The following ATP2B4 variants were observed in gnomAD, a reference collection of about 807,000 sequenced individuals.
ATP2B4 encodes the protein plasma membrane calcium-transporting ATPase 4.
Under a neutral mutation model 110.3 loss-of-function variants are expected in ATP2B4, and 39 were observed. The ratio of observed to expected loss-of-function variants is 0.35; its 90% CI spans 0.27 to 0.46. The LOEUF is 0.46. Ranked by LOEUF, ATP2B4 falls within the 20% of genes least tolerant of loss-of-function variation. The pLI is 1.00. For missense variants in ATP2B4, 1,135 were observed against 1,530.9 expected, an observed-to-expected ratio of 0.74 and a Z score of 4.32; for synonymous variants, 538 against 571.7, an observed-to-expected ratio of 0.94 and a Z score of 0.84.
chr1:203,630,010 G>A (rs1411466555), intron 1 of ATP2B4, among the ~76,000 whole-genome samples: 2 of 152,208 alleles, frequency 1.3e-5, no homozygotes. Flanking sequence ...TGCTCTCCAC[G>A]GTAGAGGTGA....
chr1:203,666,768 T>C (rs2102339142), intron 1 of ATP2B4, among the ~76,000 whole-genome samples: 1 of 152,310 alleles, frequency 6.6e-6, no homozygotes, highest in Middle Eastern at 3.4e-3. Context: ...TTATCTTGGC[T>C]CTTGAAACTA....
chr1:203,633,205 G>T (rs1352232714), intron 1 of ATP2B4, among the ~76,000 whole-genome samples: 1 of 152,202 alleles, frequency 6.6e-6, no homozygotes, highest in Admixed American at 6.5e-5. Flanking sequence ...AAGGATAATG[G>T]TAATAGATTG....
In ATP2B4 at chr1:203,708,080, C is replaced by T. The variant is rs752625688; in HGVS notation, c.1533C>T (p.Asn511=). Residue 511 remains asparagine (N), a synonymous_variant, in exon 10 of 21, where the codon AAC becomes AAT. Transcript: ENST00000357681. Reference sequence around the variant, plus strand: ...TCATTGTCAATGGCATTTCTATCAACAGTGCTTATACCTCCAAGATTCTGG... The same window carrying T: ...TCATTGTCAATGGCATTTCTATCAATAGTGCTTATACCTCCAAGATTCTGG... ...LDLIVNGISI[N]SAYTSKILPP... 1.9e-6 allele frequency: 3 copies of T among 1,614,210 alleles called. No individual in the cohort carries two copies. Among genetic ancestry groups the T allele is most frequent in the Non-Finnish European group, 2.5e-6 (3 of 1,180,034 alleles).
chr1:203,704,465 G>GTTTT (rs1412958938), intron 8 of ATP2B4, among the ~76,000 whole-genome samples: 1 of 104,486 alleles, frequency 9.6e-6, no homozygotes, highest in African/African-American at 4.2e-5. Context: ...TCAAGGAACA[G>GTTTT]TCTTTTTTTT....
Position 203,720,677 on chromosome 1 carries a change from G to C in ATP2B4, c.2535G>C (p.Gln845His), listed in dbSNP as rs767100509. 8 of 1,614,166 alleles carry C rather than the reference G, an allele frequency of 5.0e-6. No individual in the cohort carries two copies. The South Asian group carries it at 8.8e-5, about 18-fold the overall frequency. Residue 845 changes from glutamine (Q) to histidine (H), a missense_variant, in exon 16 of 21, where the codon CAG becomes CAC. Gln to His is a conservative substitution (Grantham distance 24). Around this residue, in one of 9 missense-constraint regions of ATP2B4, gnomAD observed 70 missense variants for 142.4 expected, o/e 0.49. Transcript: ENST00000357681. ...NVYDSISKFL[Q>H]FQLTVNVVAV... is the part of the protein sequence containing the mutation. The stretch of plus-strand genomic sequence containing the variant: ...ATGACAGCATCTCCAAGTTCCTGCA[G>C]TTCCAGCTCACTGTCAATGTGGTGG...
At chr1:203,684,623 G>A (rs535925804) in intron 2 of ATP2B4, among the ~76,000 whole-genome samples, 11 of 151,784 alleles carry the variant, frequency 7.2e-5, no homozygotes, top group African/African-American at 2.4e-4. Context: ...CTCCCAAAGT[G>A]TTGGGATGAG....
chr1:203,675,301 G>A (rs1397544751), intron 1 of ATP2B4, among the ~76,000 whole-genome samples: 2 of 152,146 alleles, frequency 1.3e-5, no homozygotes, highest in Non-Finnish European at 2.9e-5. Flanking sequence ...CCTTCTGAAG[G>A]CATCTGACCA....
chr1:203,710,325 G>A (rs1327726819), intron 11 of ATP2B4, among the ~76,000 whole-genome samples: 2 of 151,612 alleles, frequency 1.3e-5, no homozygotes, highest in East Asian at 1.9e-4. Flanking sequence ...AGCTGAGATC[G>A]CACCACTGCA....
At chr1:203,641,426 A>G (rs1419164316) in intron 1 of ATP2B4, among the ~76,000 whole-genome samples, 1 of 152,124 alleles carries the variant, frequency 6.6e-6, no homozygotes, top group Non-Finnish European at 1.5e-5. Flanking sequence ...GGGAAAATTC[A>G]TTGGCTTTAG....
rs746924685 is a variant in ATP2B4, at chr1:203,739,649, T to G, written c.3413T>G (p.Ile1138Arg). Residue 1138 changes from isoleucine to arginine, a missense_variant, in exon 21 of 21, where the codon ATA becomes AGA. Ile to Arg is a moderately conservative substitution (Grantham distance 97, BLOSUM62 -3). Transcript: ENST00000357681. ...TTCATGACCCACCCTGAATTCGCCA[T>G]AGAGGAGGAGTTGCCACGAACACCA... is the stretch of plus-strand genomic sequence containing the variant. Reference protein sequence around the residue: ...HSFMTHPEFAIEEELPRTPLL... With the variant: ...HSFMTHPEFAREEELPRTPLL... The G allele has an allele frequency of 6.2e-7, 1 of 1,613,948 alleles. No individual in the cohort carries two copies. Among genetic ancestry groups the G allele is most frequent in the Non-Finnish European group, 8.5e-7 (1 of 1,179,996 alleles).
At chr1:203,659,388 G>T (rs1024944850) in intron 1 of ATP2B4, among the ~76,000 whole-genome samples, 1 of 152,174 alleles carries the variant, frequency 6.6e-6, no homozygotes, top group African/African-American at 2.4e-5. Context: ...ATAGTTTCTG[G>T]CCAGGTGCAG....
intron 15 of ATP2B4, among the ~76,000 whole-genome samples, chr1:203,720,227 G>A (rs1470220348): frequency 2.0e-5 from 3 of 152,202 alleles, no homozygotes; most frequent in East Asian, 3.8e-4. Flanking sequence ...CAACAGAAAT[G>A]TGAGAATTTG....
chr1:203,719,295 T>C (rs1666252123), intron 15 of ATP2B4, among the ~76,000 whole-genome samples: 1 of 147,870 alleles, frequency 6.8e-6, no homozygotes. Flanking sequence ...CAAAACAAGG[T>C]ATATTCATAC....
At chr1:203,713,358 T>C (rs909968246) in intron 14 of ATP2B4, 106 bp downstream of exon 14, 33 of 1,258,792 alleles carry the variant, frequency 2.6e-5, no homozygotes, top group Non-Finnish European at 3.4e-5. Context: ...AATAGGGAGG[T>C]CCTAGGAGAG....
intron 1 of ATP2B4, among the ~76,000 whole-genome samples, chr1:203,660,602 C>T (rs1306961444): frequency 6.6e-6 from 1 of 151,636 alleles, no homozygotes; most frequent in Non-Finnish European, 1.5e-5. Context: ...GAGATCGAGA[C>T]CAGCCTGGCC....
At chr1:203,660,571 G>A (rs1664307909) in intron 1 of ATP2B4, among the ~76,000 whole-genome samples, 3 of 152,156 alleles carry the variant, frequency 2.0e-5, no homozygotes. Flanking sequence ...GGAGACCGAG[G>A]TGGGCAGATC....
At chr1:203,717,541 G>T (rs569022030) in intron 15 of ATP2B4, among the ~76,000 whole-genome samples, 474 of 151,734 alleles carry the variant, frequency 3.1e-3, no homozygotes, top group Non-Finnish European at 5.5e-3. Context: ...TTTATTCTTG[G>T]TTTTTTCGTT....
In ATP2B4 at chr1:203,629,506, G is replaced by C. The variant is rs548613518; in HGVS notation, c.-465+2287G>C. On this transcript the variant is annotated intron_variant, in intron 1 of 20. Transcript: ENST00000357681. This position sits in a 1 kb window ranked among gnomAD's most constrained non-coding sequence, Gnocchi z 4.6. Reference sequence around the variant, plus strand: ...GTCGTTATTTAGCGCGCACCGGGTCGCCTGAGCCCGGGGTCGCGGCCAAAG... The same window carrying C: ...GTCGTTATTTAGCGCGCACCGGGTCCCCTGAGCCCGGGGTCGCGGCCAAAG... 6.6e-6 allele frequency among the ~76,000 whole-genome samples: 1 copy of C among 152,260 alleles called. No individual in the cohort carries two copies. Among genetic ancestry groups the C allele is most frequent in the South Asian group, 2.1e-4 (1 of 4,824 alleles).
intron 2 of ATP2B4, among the ~76,000 whole-genome samples, chr1:203,695,751 G>C (rs1043853554): frequency 1.4e-5 from 2 of 143,852 alleles, no homozygotes; most frequent in Admixed American, 1.5e-4. Context: ...AGACAGATGA[G>C]TATCTTATGT....
Sources: gnomAD v4.1 joint callset for allele counts (sites outside exome capture counted in the v4.1 genomes callset) on GRCh38, gnomAD v4.1.1 for gene constraint, gnomAD v4.1.1 regional missense constraint, Gnocchi (gnomAD v3.1) non-coding constraint, MANE v1.5 for transcripts, NCBI Gene and HGNC (gene_info 2026-07-23, HGNC 2026-07-21) for gene names.